WDPCP: variants seen among roughly 807,000 people sequenced by gnomAD.
The protein encoded by WDPCP is WD repeat-containing and planar cell polarity effector protein fritz homolog.
In WDPCP, 71 loss-of-function variants were observed where a neutral mutation model predicts 93.1. The ratio of observed to expected loss-of-function variants is 0.76; its 90% CI spans 0.63 to 0.93. WDPCP has a LOEUF of 0.93. WDPCP is among the 40% of genes least tolerant of loss of function. WDPCP has a pLI of 0.00. For synonymous variants in WDPCP, 315 were observed against 315.0 expected, an observed-to-expected ratio of 1.00 and a Z score of 0.00; for missense variants, 844 against 887.4, an observed-to-expected ratio of 0.95 and a Z score of 0.62.
intron 2 of WDPCP, among the ~76,000 whole-genome samples, chr2:63,743,813 T>C (rs532742275): frequency 6.6e-6 from 1 of 152,124 alleles, no homozygotes; most frequent in Non-Finnish European, 1.5e-5. Flanking sequence ...TTTAATAACA[T>C]GGAAAATTAT....
chr2:63,428,434 C>A (rs1696482385), intron 9 of WDPCP, among the ~76,000 whole-genome samples: 1 of 152,176 alleles, frequency 6.6e-6, no homozygotes, highest in Non-Finnish European at 1.5e-5. Context: ...GTTCAACATA[C>A]ACAAATCGAT....
intron 2 of WDPCP, among the ~76,000 whole-genome samples, chr2:63,748,164 A>T (rs1385761631): frequency 1.3e-5 from 2 of 151,658 alleles, no homozygotes; most frequent in African/African-American, 4.8e-5. Context: ...TTCATTTTGA[A>T]TTTTTTTACA....
At chr2:63,392,945 G>A (rs980533742) in intron 10 of WDPCP, among the ~76,000 whole-genome samples, 2 of 152,216 alleles carry the variant, frequency 1.3e-5, no homozygotes, top group African/African-American at 4.8e-5. Flanking sequence ...TGGTGGGACT[G>A]TAAACTGGTT....
chr2:63,809,723 TAA>T (rs1367998002), intron 2 of WDPCP, among the ~76,000 whole-genome samples: 1 of 151,880 alleles, frequency 6.6e-6, no homozygotes, highest in Non-Finnish European at 1.5e-5. Context: ...GCATGCTCGT[TAA>T]GAGTCATCAC....
chr2:63,630,540 G>A (rs947370390), intron 3 of WDPCP, among the ~76,000 whole-genome samples: 3 of 152,110 alleles, frequency 2.0e-5, no homozygotes, highest in African/African-American at 7.2e-5. Flanking sequence ...GGCCTTTAAT[G>A]TAATGATAAA....
At chr2:63,133,221 CAT>C (rs1670400494) in intron 17 of WDPCP, among the ~76,000 whole-genome samples, 1 of 152,134 alleles carries the variant, frequency 6.6e-6, no homozygotes, top group African/African-American at 2.4e-5. Flanking sequence ...GATGGTCTGT[CAT>C]ATGTCTCCAC....
chr2:63,375,862 T>C (rs1160913214), intron 12 of WDPCP, among the ~76,000 whole-genome samples: 1 of 151,942 alleles, frequency 6.6e-6, no homozygotes, highest in East Asian at 1.9e-4. Context: ...CTGAGTTCCA[T>C]GTGAGTAATT....
chr2:63,181,787 T>A (rs879130773), intron 14 of WDPCP, among the ~76,000 whole-genome samples: 2 of 152,044 alleles, frequency 1.3e-5, no homozygotes, highest in Middle Eastern at 3.2e-3. Context: ...GGTTTTTTTT[T>A]AATGATATTG....
At chr2:63,789,481 T>C (rs149712110) in intron 2 of WDPCP, among the ~76,000 whole-genome samples, 1 of 152,248 alleles carries the variant, frequency 6.6e-6, no homozygotes. Flanking sequence ...TTAGTGAAAG[T>C]AGAGTCAGCC....
At chr2:63,266,279 T>G (rs963019446) in intron 13 of WDPCP, among the ~76,000 whole-genome samples, 4 of 152,166 alleles carry the variant, frequency 2.6e-5, no homozygotes, top group African/African-American at 9.7e-5. Context: ...ACTGATAAAT[T>G]TGCAGGTTGC....
chr2:63,373,281 CG>C (rs1345310211), intron 12 of WDPCP, among the ~76,000 whole-genome samples: 2 of 141,336 alleles, frequency 1.4e-5, no homozygotes, highest in African/African-American at 5.2e-5. Context: ...AAATGACATA[CG>C]GTCTTGCTCT....
intron 13 of WDPCP, among the ~76,000 whole-genome samples, chr2:63,301,496 C>G (rs957043857): frequency 6.6e-6 from 1 of 152,146 alleles, no homozygotes; most frequent in Non-Finnish European, 1.5e-5. Context: ...CCTTCTTCAA[C>G]TATTATGTAG....
At chr2:63,408,272 G>A (rs574013386) in intron 9 of WDPCP, among the ~76,000 whole-genome samples, 30 of 152,276 alleles carry the variant, frequency 2.0e-4, no homozygotes, top group Non-Finnish European at 3.2e-4. Context: ...CCCCAACTGC[G>A]GAGTGGGAAA....
intron 12 of WDPCP, among the ~76,000 whole-genome samples, chr2:63,345,249 G>A (rs1023552976): frequency 2.0e-5 from 3 of 152,120 alleles, no homozygotes; most frequent in Admixed American, 2.0e-4. Context: ...TTTCATGTTA[G>A]GACTACACTT....
intron 17 of WDPCP, among the ~76,000 whole-genome samples, chr2:63,141,021 A>C (rs1467333912): frequency 6.6e-6 from 1 of 151,990 alleles, no homozygotes; most frequent in Non-Finnish European, 1.5e-5. Flanking sequence ...TTTAATCATA[A>C]AGGGATGCTG....
intron 8 of WDPCP, among the ~76,000 whole-genome samples, chr2:63,435,628 T>G (rs943913817): frequency 6.6e-6 from 1 of 152,118 alleles, no homozygotes; most frequent in Non-Finnish European, 1.5e-5. Context: ...TTATGAAATG[T>G]TAGGAAATTT....
chr2:63,220,760 A>G (rs753628047), intron 14 of WDPCP, among the ~76,000 whole-genome samples: 1 of 152,174 alleles, frequency 6.6e-6, no homozygotes, highest in Non-Finnish European at 1.5e-5. Context: ...GGTTTGTTAC[A>G]TAGGTAAACA....
intron 1 of WDPCP, among the ~76,000 whole-genome samples, chr2:63,559,902 T>C (rs1706457200): frequency 6.6e-6 from 1 of 152,128 alleles, no homozygotes; most frequent in Non-Finnish European, 1.5e-5. Context: ...TAAACTGCCA[T>C]TGACATTCTT....
chr2:63,586,271 G>T (rs930688020), intron 1 of WDPCP, among the ~76,000 whole-genome samples: 2 of 152,144 alleles, frequency 1.3e-5, no homozygotes, highest in Non-Finnish European at 2.9e-5. Flanking sequence ...TGTTAGAATG[G>T]TATTTCAAAC....
Sources: gnomAD v4.1 joint callset for allele counts (sites outside exome capture counted in the v4.1 genomes callset) on GRCh38, gnomAD v4.1.1 for gene constraint, MANE v1.5 for transcripts, NCBI Gene and HGNC (gene_info 2026-07-23, HGNC 2026-07-21) for gene names.